KIAA0040: variants seen among roughly 807,000 people sequenced by gnomAD.
KIAA0040 encodes KIAA0040.
A neutral mutation model predicts 7.2 loss-of-function variants in KIAA0040; 10 were observed. The ratio of observed to expected loss-of-function variants is 1.38; its 90% CI spans 0.85 to 2.34. The LOEUF (loss-of-function observed/expected upper bound fraction) is 2.34. KIAA0040 is among the 30% of genes most tolerant of loss of function. The probability of loss-of-function intolerance (pLI) is 0.00; values close to 1 mark genes in which losing one functional copy is unlikely to be tolerated. For missense variants in KIAA0040, 89 were observed against 108.2 expected, an observed-to-expected ratio of 0.82 and a Z score of 0.79; for synonymous variants, 49 against 40.1, an observed-to-expected ratio of 1.22 and a Z score of -0.84.
At chr1:175,177,047 C>A (rs1279972881) in intron 2 of KIAA0040, among the ~76,000 whole-genome samples, 2 of 152,160 alleles carry the variant, frequency 1.3e-5, no homozygotes, top group Non-Finnish European at 2.9e-5. Flanking sequence ...GCCTGGAGAC[C>A]TCAAGGCTTT....
chr1:175,183,178 T>C (rs974288934), intron 1 of KIAA0040, among the ~76,000 whole-genome samples: 2 of 152,206 alleles, frequency 1.3e-5, no homozygotes, highest in Non-Finnish European at 2.9e-5. Flanking sequence ...TGACAATGCT[T>C]GCTCACTGAT....
rs147214644 is a variant in KIAA0040, at chr1:175,159,187, A to G, written c.*1527T>C. 9.3e-4 allele frequency: 141 copies of G among 152,308 alleles called. No homozygotes were observed. The highest frequency in any genetic ancestry group is 3.2e-3 in the African/African-American group (134 of 41,548). The allele number at this position is 152,308 out of a possible 1,614,324, so 9.4% of individuals were successfully genotyped here. A position where few individuals can be genotyped will look rare whatever the true frequency, so the allele number is the denominator to read the frequency against. ...TTGTAATACAGTCACAATACAATAAAAATACCAAGCAGTTCATCCTATAAG... is the reference window on the plus strand; with the variant it reads ...TTGTAATACAGTCACAATACAATAAGAATACCAAGCAGTTCATCCTATAAG... On this transcript the variant is annotated 3_prime_UTR_variant, in exon 4 of 4. Transcript: ENST00000423313.
At chr1:175,175,332 T>A in intron 2 of KIAA0040, among the ~76,000 whole-genome samples, 1 of 151,306 alleles carries the variant, frequency 6.6e-6, no homozygotes, top group Non-Finnish European at 1.5e-5. Flanking sequence ...TGAGATACCA[T>A]CTCACACCAG....
chr1:175,166,888 C>T (rs1676786062), intron 2 of KIAA0040, 151 bp from the exon 3 acceptor site: 1 of 152,310 alleles, frequency 6.6e-6, no homozygotes, highest in Non-Finnish European at 1.5e-5. Context: ...AAACGACCAT[C>T]ATGACTGGTG....
At chr1:175,185,613 A>T (rs1430277306) in intron 1 of KIAA0040, among the ~76,000 whole-genome samples, 1 of 152,242 alleles carries the variant, frequency 6.6e-6, no homozygotes, top group Non-Finnish European at 1.5e-5. Context: ...GTTGATAAAA[A>T]TGAGGGGAAA....
intron 2 of KIAA0040, among the ~76,000 whole-genome samples, chr1:175,174,229 A>G (rs112114886): frequency 1.7e-3 from 253 of 152,356 alleles, no homozygotes; most frequent in African/African-American, 5.8e-3. Context: ...GACAAAAGGC[A>G]AGCCTCACAT....
chr1:175,175,908 G>C (rs1375547553), intron 2 of KIAA0040, among the ~76,000 whole-genome samples: 2 of 152,140 alleles, frequency 1.3e-5, no homozygotes, highest in Admixed American at 1.3e-4. Context: ...GATAGCATTA[G>C]GAGATATACT....
chr1:175,190,037 G>C (rs962739063), intron 1 of KIAA0040, among the ~76,000 whole-genome samples: 67 of 152,278 alleles, frequency 4.4e-4, no homozygotes, highest in African/African-American at 1.5e-3. Flanking sequence ...CATCCTTCTT[G>C]TTTTTATGAA....
Position 175,159,176 on chromosome 1 carries a change from C to CAAA in KIAA0040, c.*1537_*1538insTTT. The CAAA allele has an allele frequency of 6.6e-6, 1 of 152,388 alleles. No homozygotes were observed. 9.4% of individuals were successfully genotyped at this position (152,388 alleles called of 1,614,324 possible). On this transcript the variant is annotated 3_prime_UTR_variant, in exon 4 of 4. Transcript: ENST00000423313. Reference sequence around the variant, plus strand: ...ATTGTCCATCTTTGTAATACAGTCACAATACAATAAAAATACCAAGCAGTT... The same window carrying CAAA: ...ATTGTCCATCTTTGTAATACAGTCACAAAAATACAATAAAAATACCAAGCAGTT...
intron 1 of KIAA0040, among the ~76,000 whole-genome samples, chr1:175,187,499 G>A (rs1332157726): frequency 1.3e-5 from 2 of 152,172 alleles, no homozygotes; most frequent in African/African-American, 2.4e-5. Flanking sequence ...AGGAATCACA[G>A]GTTAGAAACC....
chr1:175,177,831 C>A (rs1677263563), intron 1 of KIAA0040, 147 bp from the exon 2 acceptor site: 1 of 152,182 alleles, frequency 6.6e-6, no homozygotes, highest in Admixed American at 6.5e-5. Context: ...CTAAATTAAA[C>A]CAACAACTGG....
rs1363162136 is a variant in KIAA0040, at chr1:175,158,399, G to A, written c.*2315C>T. 6.6e-6 allele frequency: 1 copy of A among 152,158 alleles called. No homozygotes were observed. The highest frequency in any genetic ancestry group is 1.5e-5 in the Non-Finnish European group (1 of 68,044). 9.4% of individuals were successfully genotyped at this position (152,158 alleles called of 1,614,324 possible). On this transcript the variant is annotated 3_prime_UTR_variant, in exon 4 of 4. Transcript: ENST00000423313. ...AACTGACTGCTGTCTTAATTCAAAG[G>A]AGCAAGCAGTTGCCATGGAAACCAT... is the stretch of plus-strand genomic sequence containing the variant.
chr1:175,180,315 C>A (rs1225277529), intron 1 of KIAA0040, among the ~76,000 whole-genome samples: 1 of 152,148 alleles, frequency 6.6e-6, no homozygotes, highest in African/African-American at 2.4e-5. Context: ...GAAATATGTG[C>A]TGAATTAACA....
chr1:175,160,817 T>C lies in KIAA0040; in HGVS notation c.197A>G (p.Lys66Arg). 1 of 551,760 alleles carries C rather than the reference T, an allele frequency of 1.8e-6. No individual in the cohort carries two copies. The highest frequency in any genetic ancestry group is 2.8e-6 in the Non-Finnish European group (1 of 363,626). 34.2% of individuals were successfully genotyped at this position (551,760 alleles called of 1,614,324 possible). The part of the protein sequence containing the change: ...GKRGQQPEKN[K>R]KKKKKKKKKD... ...CTTCTTCTTCTTCTTCTTCTTCTTC[T>C]TGTTCTTCTCTGGCTGCTGGCCCCT... Residue 66 changes from lysine to arginine, a missense_variant, in exon 4 of 4, where the codon AAG (lysine) becomes AGG (arginine). Physicochemically the swap from Lys to Arg is conservative, Grantham distance 26. Transcript: ENST00000423313.
intron 1 of KIAA0040, among the ~76,000 whole-genome samples, chr1:175,184,636 A>G (rs1462992555): frequency 6.6e-6 from 1 of 152,232 alleles, no homozygotes; most frequent in Admixed American, 6.5e-5. Context: ...CCTATGTTTA[A>G]TAAGTGGCAA....
Position 175,169,889 on chromosome 1 carries a change from C to A in KIAA0040, c.-309-3152G>T, listed in dbSNP as rs560437005. ...TGCCCTTTTGTCTTTTCCTACTTTCCCTTTTTTCCCTCCCTCAATGTATTT... is the reference window on the plus strand; with the variant it reads ...TGCCCTTTTGTCTTTTCCTACTTTCACTTTTTTCCCTCCCTCAATGTATTT... On this transcript the variant is annotated intron_variant, in intron 2 of 3. Coordinates refer to ENST00000423313, the MANE Select transcript of KIAA0040 (RefSeq NM_014656.3). Among the ~76,000 whole-genome samples, 7 of 152,278 alleles carry A rather than the reference C, an allele frequency of 4.6e-5. No individual in the cohort carries two copies. In the South Asian group the frequency reaches 1.5e-3, roughly 32 times the overall value.
At chr1:175,188,835 G>A (rs1415505793) in intron 1 of KIAA0040, among the ~76,000 whole-genome samples, 4 of 152,178 alleles carry the variant, frequency 2.6e-5, no homozygotes, top group Admixed American at 2.6e-4. Flanking sequence ...AGGCCACTTG[G>A]GGAGGATTGG....
intron 1 of KIAA0040, among the ~76,000 whole-genome samples, chr1:175,179,932 CAAT>C (rs1316017250): frequency 6.6e-6 from 1 of 152,196 alleles, no homozygotes; most frequent in Non-Finnish European, 1.5e-5. Flanking sequence ...TAAAATGCAA[CAAT>C]GAGGGCAGCA....
rs1676475221 is a variant in KIAA0040 at position 175,160,225 on chromosome 1, C to T, written c.*489G>A. On this transcript the variant is annotated 3_prime_UTR_variant, in exon 4 of 4. Transcript: ENST00000423313. ...TGGTTAGGAAATTGTATATATGTGTCTGAATCTGGCAAGGCTTTCCCATGA... is the reference window on the plus strand; with the variant it reads ...TGGTTAGGAAATTGTATATATGTGTTTGAATCTGGCAAGGCTTTCCCATGA... 1 of 158,562 alleles carries T rather than the reference C, an allele frequency of 6.3e-6. No homozygotes were observed. The highest frequency in any genetic ancestry group is 1.4e-5 in the Non-Finnish European group (1 of 71,160). 9.8% of individuals were successfully genotyped at this position (158,562 alleles called of 1,614,324 possible).
Sources: gnomAD v4.1 joint callset for allele counts (sites outside exome capture counted in the v4.1 genomes callset) on GRCh38, gnomAD v4.1.1 for gene constraint, MANE v1.5 for transcripts, NCBI Gene and HGNC (gene_info 2026-07-23, HGNC 2026-07-21) for gene names.